The following FAM178B variants were observed in gnomAD, a reference collection of about 807,000 sequenced individuals.
FAM178B encodes the protein family with sequence similarity 178 member B.
Under a neutral mutation model 91.7 loss-of-function variants are expected in FAM178B, and 82 were observed. That is an observed-to-expected ratio of 0.89 (90% CI 0.75 to 1.07). The LOEUF is 1.07. Ranked by LOEUF, FAM178B falls within the 50% of genes least tolerant of loss-of-function variation. The pLI is 0.00. For synonymous variants in FAM178B, 368 were observed against 359.4 expected (o/e 1.02, Z -0.27); for missense variants, 769 against 846.7 (o/e 0.91, Z 1.14).
intron 8 of FAM178B, among the ~76,000 whole-genome samples, chr2:96,944,690 G>A (rs572700523): frequency 5.3e-5 from 8 of 152,194 alleles, no homozygotes; most frequent in Non-Finnish European, 1.2e-4. Flanking sequence ...ACTGCTCTTG[G>A]TATTTGTTAT....
intron 14 of FAM178B, among the ~76,000 whole-genome samples, chr2:96,880,720 G>C (rs1168770982): frequency 6.6e-6 from 1 of 152,152 alleles, no homozygotes; most frequent in Non-Finnish European, 1.5e-5. Flanking sequence ...TCAGCCTCTG[G>C]AATAGCTGGG....
At chr2:96,958,608 T>C (rs2082034525) in intron 6 of FAM178B, among the ~76,000 whole-genome samples, 1 of 143,490 alleles carries the variant, frequency 7.0e-6, no homozygotes, top group South Asian at 2.2e-4. Context: ...GAGAATTGCT[T>C]CAGTCAGAGG....
intron 1 of FAM178B, among the ~76,000 whole-genome samples, chr2:96,980,866 C>T (rs1372891015): frequency 6.6e-6 from 1 of 151,926 alleles, no homozygotes; most frequent in Non-Finnish European, 1.5e-5. Context: ...AGTCTATTGC[C>T]CATTTTAGAT....
intron 6 of FAM178B, among the ~76,000 whole-genome samples, chr2:96,960,002 T>C (rs2082057209): frequency 6.6e-6 from 1 of 152,184 alleles, no homozygotes; most frequent in African/African-American, 2.4e-5. Flanking sequence ...GAGTCTGCTG[T>C]TCTGTGACAC....
chr2:96,953,757 G>A (rs1353845533), intron 6 of FAM178B, among the ~76,000 whole-genome samples: 4 of 152,206 alleles, frequency 2.6e-5, no homozygotes, highest in Admixed American at 1.3e-4. Context: ...CATGCTCGGT[G>A]GGACGGGAGT....
chr2:96,949,907 C>G, intron 7 of FAM178B: 4 of 896,608 alleles, frequency 4.5e-6, no homozygotes, highest in Middle Eastern at 5.7e-4. Flanking sequence ...AGGCACAGAG[C>G]TGATGCTAAG....
intron 1 of FAM178B, among the ~76,000 whole-genome samples, chr2:96,986,028 C>A (rs980635668): frequency 1.3e-5 from 2 of 152,232 alleles, no homozygotes; most frequent in African/African-American, 4.8e-5. Context: ...CCACCAAGGC[C>A]GGCCGCGCAG....
Position 96,921,266 on chromosome 2 carries a change from CAGG to C in FAM178B, c.1465-7_1465-5del. 1 of 1,551,440 alleles carries C rather than the reference CAGG, an allele frequency of 6.4e-7. No homozygotes were observed. The highest frequency in any genetic ancestry group is 8.7e-7 in the Non-Finnish European group (1 of 1,146,898). On this transcript the variant is annotated splice_region_variant and splice_polypyrimidine_tract_variant and intron_variant, in intron 11 of 16. Transcript: ENST00000490605. ...GGGTGCAGCACAGTTCCTGGAGCTG[CAGG>C]AGAACGGCACCCCATGGGCTACAGG...
At chr2:96,942,637 C>T (rs1408269585) in intron 8 of FAM178B, among the ~76,000 whole-genome samples, 7 of 152,118 alleles carry the variant, frequency 4.6e-5, no homozygotes, top group African/African-American at 7.2e-5. Context: ...CCTCATGATC[C>T]GCCTGCCTCG....
intron 13 of FAM178B, among the ~76,000 whole-genome samples, 159 bp downstream of exon 13, chr2:96,902,461 C>T (rs2080952539): frequency 6.6e-6 from 1 of 152,236 alleles, no homozygotes; most frequent in South Asian, 2.1e-4. Context: ...CAGCGCCTAG[C>T]ACATGGCTGG....
intron 1 of FAM178B, among the ~76,000 whole-genome samples, chr2:96,985,135 G>A (rs2082406891): frequency 6.6e-6 from 1 of 152,180 alleles, no homozygotes; most frequent in Non-Finnish European, 1.5e-5. Flanking sequence ...TACAGTACGT[G>A]TCCTGACAGC....
At chr2:96,927,477 G>A (rs1037263935) in intron 9 of FAM178B, among the ~76,000 whole-genome samples, 20 of 152,316 alleles carry the variant, frequency 1.3e-4, no homozygotes, top group Admixed American at 1.2e-3. Flanking sequence ...TCTGGGACAC[G>A]ACATGAGGCC....
intron 8 of FAM178B, among the ~76,000 whole-genome samples, chr2:96,937,034 ACAC>A (rs1270514174): frequency 3.3e-5 from 5 of 151,958 alleles, no homozygotes; most frequent in Non-Finnish European, 7.4e-5. Flanking sequence ...CTACAGGCAC[ACAC>A]CACAATGCCC....
chr2:96,912,493 G>A (rs1007138392), intron 12 of FAM178B, among the ~76,000 whole-genome samples: 2 of 151,972 alleles, frequency 1.3e-5, no homozygotes, highest in Admixed American at 1.3e-4. Flanking sequence ...GAAGCCAGGA[G>A]GGCCCTGGGA....
intron 14 of FAM178B, among the ~76,000 whole-genome samples, chr2:96,884,961 C>T (rs1273647806): frequency 6.6e-5 from 10 of 152,230 alleles, no homozygotes; most frequent in African/African-American, 2.4e-4. Context: ...CCTAAGACCT[C>T]TTCCTAACCT....
At chr2:96,917,267 A>G (rs1476070969) in intron 12 of FAM178B, among the ~76,000 whole-genome samples, 1 of 152,238 alleles carries the variant, frequency 6.6e-6, no homozygotes, top group Non-Finnish European at 1.5e-5. Context: ...ATTTAGAAAA[A>G]TAAAATCAAT....
At chr2:96,911,305 C>T (rs771152540) in intron 12 of FAM178B, among the ~76,000 whole-genome samples, 36 of 152,146 alleles carry the variant, frequency 2.4e-4, no homozygotes, top group South Asian at 2.1e-4. Flanking sequence ...GCCGGAGCCT[C>T]GTCTTGAGGC....
chr2:96,967,730 G>A, intron 4 of FAM178B, 103 bp from the exon 5 acceptor site: 2 of 776,488 alleles, frequency 2.6e-6, no homozygotes, highest in Non-Finnish European at 4.2e-6. Context: ...AAGACCAGAG[G>A]GCTGCGCCGT....
chr2:96,895,779 C>A (rs969417646), intron 13 of FAM178B, among the ~76,000 whole-genome samples: 5 of 152,246 alleles, frequency 3.3e-5, no homozygotes, highest in African/African-American at 1.2e-4. Flanking sequence ...CCCAGCCCCC[C>A]TCTTGAGCTT....
Sources: allele counts gnomAD v4.1 joint callset (sites outside exome capture counted in the v4.1 genomes callset), GRCh38; gene constraint gnomAD v4.1.1; transcripts MANE v1.5; gene names NCBI Gene and HGNC (gene_info 2026-07-23, HGNC 2026-07-21).